Variants in ATP8B4 observed in about 807,000 individuals in gnomAD.
ATP8B4 encodes the protein probable phospholipid-transporting ATPase IM.
ATP8B4 carries 133 observed loss-of-function variants against 145.6 expected under a neutral mutation model. That is an observed-to-expected ratio of 0.91 (90% CI 0.79 to 1.05). The LOEUF is 1.05. Among genes scored for constraint, ATP8B4 ranks in the 50% least tolerant of loss-of-function variants. The probability of loss-of-function intolerance (pLI) is 0.00; values close to 1 mark genes in which losing one functional copy is unlikely to be tolerated. For synonymous variants in ATP8B4, 507 were observed against 492.9 expected (o/e 1.03, Z -0.38); for missense variants, 1,458 against 1,425.2 (o/e 1.02, Z -0.37).
chr15:50,103,583 A>G (rs1357460089), intron 2 of ATP8B4, among the ~76,000 whole-genome samples: 3 of 152,178 alleles, frequency 2.0e-5, no homozygotes, highest in African/African-American at 4.8e-5. Flanking sequence ...GAAAGAAATC[A>G]TAGATGACAC....
chr15:49,911,896 T>C (rs1227371004), intron 20 of ATP8B4, among the ~76,000 whole-genome samples: 9 of 151,816 alleles, frequency 5.9e-5, no homozygotes, highest in Admixed American at 5.2e-4. Flanking sequence ...TTAGAAACAA[T>C]ACACTACATG....
chr15:49,970,055 T>C lies in ATP8B4; in HGVS notation c.1243+2527A>G, dbSNP rs375259487. Among the ~76,000 whole-genome samples, 14 of 152,306 alleles carry C rather than the reference T, an allele frequency of 9.2e-5. No homozygotes were observed. In the South Asian group the frequency reaches 1.9e-3, roughly 20 times the overall value. ...ATCTCAATAGATGCAGAAAAGGCCT[T>C]TGATAAAATTCAGCACCCCTTCATG... On this transcript the variant is annotated intron_variant, in intron 13 of 27. Coordinates refer to ENST00000284509, the MANE Select transcript of ATP8B4 (RefSeq NM_024837.4).
At chr15:50,108,435 A>T (rs1411066261) in intron 1 of ATP8B4, among the ~76,000 whole-genome samples, 1 of 151,508 alleles carries the variant, frequency 6.6e-6, no homozygotes, top group Non-Finnish European at 1.5e-5. Context: ...CTCTAACATG[A>T]CTCCTAGGAC....
upstream of ATP8B4, among the ~76,000 whole-genome samples, chr15:50,123,289 T>A (rs949191026): frequency 1.3e-5 from 2 of 152,118 alleles, no homozygotes; most frequent in African/African-American, 4.8e-5. Context: ...TTGGGAAAAA[T>A]TTAGTTTATA....
At chr15:49,879,962 A>G (rs1392353851) in intron 23 of ATP8B4, 1 of 152,382 alleles carries the variant, frequency 6.6e-6, no homozygotes, top group Non-Finnish European at 1.5e-5. Flanking sequence ...GGGCATAAAT[A>G]GCAAAACAAC....
intron 3 of ATP8B4, among the ~76,000 whole-genome samples, chr15:50,072,580 A>G (rs2053810017): frequency 6.6e-6 from 1 of 152,004 alleles, no homozygotes; most frequent in Admixed American, 6.6e-5. Flanking sequence ...ACATGTAATC[A>G]TTCTGTAAAT....
At chr15:50,158,935 C>T (rs917727910) in intron 1 of ATP8B4, among the ~76,000 whole-genome samples, 1 of 152,172 alleles carries the variant, frequency 6.6e-6, no homozygotes, top group African/African-American at 2.4e-5. Flanking sequence ...TCACCACTCC[C>T]TAATCTCAAG....
intron 23 of ATP8B4, among the ~76,000 whole-genome samples, chr15:49,884,439 A>G (rs2153413417): frequency 6.6e-6 from 1 of 152,050 alleles, no homozygotes; most frequent in South Asian, 2.1e-4. Context: ...GTCTCTACCA[A>G]AAATACAAAA....
chr15:49,861,479 TACCTAC>T (rs1566884827), intron 27 of ATP8B4, among the ~76,000 whole-genome samples: 1 of 151,744 alleles, frequency 6.6e-6, no homozygotes. Context: ...TCTATCTACC[TACCTAC>T]CTACCTACCT....
intron 3 of ATP8B4, 118 bp downstream of exon 3, chr15:50,074,009 C>A (rs981087696): frequency 9.7e-6 from 7 of 724,960 alleles, no homozygotes; most frequent in Non-Finnish European, 1.6e-5. Flanking sequence ...ACCTTGCTGT[C>A]AAAATGGGCC....
upstream of ATP8B4, among the ~76,000 whole-genome samples, chr15:50,124,085 C>T (rs774654007): frequency 2.0e-5 from 3 of 152,110 alleles, no homozygotes; most frequent in Non-Finnish European, 4.4e-5. Context: ...CAATTTGCCT[C>T]CCATTCAAAA....
At position 49,876,487 on chromosome 15, in the gene ATP8B4, G is replaced by T; in HGVS notation, c.2818C>A (p.Leu940Ile). 1.2e-6 allele frequency: 2 copies of T among 1,614,078 alleles called. No individual in the cohort carries two copies. Among genetic ancestry groups the T allele is most frequent in the Non-Finnish European group, 1.7e-6 (2 of 1,179,930 alleles). ...SDQNSVDCPQ[L>I]YKPGQLNLLF... ...AGATTCAGCTGTCCTGGTTTGTAGA[G>T]CTGGGGACAGTCCACGCTGTTCTGG... The change falls in exon 25 of 28, where the codon CTC becomes ATC. Residue 940 changes from leucine (L) to isoleucine (I), a missense_variant. By Grantham distance (5) the Leu-to-Ile change is conservative. Coordinates refer to ENST00000284509, the MANE Select transcript of ATP8B4 (RefSeq NM_024837.4).
intron 3 of ATP8B4, among the ~76,000 whole-genome samples, chr15:50,052,286 C>T (rs1051785814): frequency 1.3e-5 from 2 of 152,206 alleles, no homozygotes; most frequent in African/African-American, 4.8e-5. Flanking sequence ...CTACAAACAT[C>T]CCAATCCAGA....
At chr15:50,087,339 A>AGATCTATATTTATATATAATAG (rs1555485669) in intron 2 of ATP8B4, among the ~76,000 whole-genome samples, 284 of 133,902 alleles carry the variant, frequency 2.1e-3, no homozygotes, top group African/African-American at 7.3e-3. Context: ...ATTTATATAT[A>AGATCTATATTTATATATAATAG]ATATAGATCT....
intron 1 of ATP8B4, among the ~76,000 whole-genome samples, chr15:50,117,023 C>T (rs28425676): frequency 0.037 from 5,565 of 152,142 alleles, 134 homozygotes; most frequent in East Asian, 0.12. Context: ...TTAGATTACA[C>T]ACATTAAGTT....
At chr15:49,907,720 C>T (rs2038776131) in intron 20 of ATP8B4, among the ~76,000 whole-genome samples, 1 of 152,198 alleles carries the variant, frequency 6.6e-6, no homozygotes, top group Non-Finnish European at 1.5e-5. Flanking sequence ...ATTCCCATAT[C>T]AAAAGTTTCC....
At chr15:49,931,472 C>G (rs2041250378) in intron 15 of ATP8B4, among the ~76,000 whole-genome samples, 165 bp from the exon 16 acceptor site, 2 of 152,084 alleles carry the variant, frequency 1.3e-5, no homozygotes, top group Admixed American at 6.6e-5. Flanking sequence ...AATCTGGTAT[C>G]TGTCCTCTGG....
chr15:50,067,551 A>G (rs2053466431), intron 3 of ATP8B4, among the ~76,000 whole-genome samples: 1 of 152,122 alleles, frequency 6.6e-6, no homozygotes, highest in South Asian at 2.1e-4. Flanking sequence ...TTTCCCTAGC[A>G]TTTACAGGCC....
chr15:50,168,311 G>A (rs1163279453), intron 1 of ATP8B4, among the ~76,000 whole-genome samples: 1 of 152,178 alleles, frequency 6.6e-6, no homozygotes, highest in Non-Finnish European at 1.5e-5. Flanking sequence ...TCTGAAGGAA[G>A]TAGACTGCTC....
Sources: gnomAD v4.1 joint callset for allele counts (sites outside exome capture counted in the v4.1 genomes callset) on GRCh38, gnomAD v4.1.1 for gene constraint, MANE v1.5 for transcripts, NCBI Gene and HGNC (gene_info 2026-07-23, HGNC 2026-07-21) for gene names.